PTP4A1: variants seen among roughly 807,000 people sequenced by gnomAD.
The protein encoded by PTP4A1 is protein tyrosine phosphatase 4A1.
PTP4A1 carries 9 observed loss-of-function variants against 20.5 expected under a neutral mutation model. The observed-to-expected ratio is 0.44, with a 90% CI of 0.26 to 0.77. The LOEUF (loss-of-function observed/expected upper bound fraction) is 0.77. Ranked by LOEUF, PTP4A1 falls within the 30% of genes least tolerant of loss-of-function variation. The pLI is 0.19. For synonymous variants in PTP4A1, 78 were observed against 67.4 expected (o/e 1.16, Z -0.77); for missense variants, 137 against 218.8 (o/e 0.63, Z 2.36).
At chr6:63,543,831 A>G (rs1202643190) in intron 2 of PTP4A1, among the ~76,000 whole-genome samples, 4 of 152,284 alleles carry the variant, frequency 2.6e-5, no homozygotes, top group African/African-American at 9.6e-5. Context: ...GTGTAATAAG[A>G]GTTTCTTTTA....
chr6:63,520,654 TA>T (rs1171111592), upstream of PTP4A1, among the ~76,000 whole-genome samples: 1 of 149,846 alleles, frequency 6.7e-6, no homozygotes, highest in African/African-American at 2.5e-5. Flanking sequence ...AATAAATAAA[TA>T]AATAAATAAA....
chr6:63,542,022 GGTGTGTGTGTGTGT>G (rs72091849), intron 2 of PTP4A1, among the ~76,000 whole-genome samples: 22 of 146,842 alleles, frequency 1.5e-4, no homozygotes, highest in African/African-American at 2.3e-4. Context: ...AAGAAACTGT[GGTGTGTGTGTGTGT>G]GTGTGTGTGT....
At chr6:63,570,578 C>T (rs984433446), upstream of PTP4A1, among the ~76,000 whole-genome samples, 1 of 152,170 alleles carries the variant, frequency 6.6e-6, no homozygotes, top group Admixed American at 6.5e-5. Flanking sequence ...ACTTGTATCA[C>T]AAGTTCTACA....
At chr6:63,553,127 C>G (rs1776524795) in intron 3 of PTP4A1, among the ~76,000 whole-genome samples, 2 of 152,270 alleles carry the variant, frequency 1.3e-5, no homozygotes, top group South Asian at 4.1e-4. Context: ...TATATTCAAA[C>G]CAGTTTTTCC....
chr6:63,574,020 CT>C (rs1311448028), intron 1 of PTP4A1, among the ~76,000 whole-genome samples: 1 of 152,162 alleles, frequency 6.6e-6, no homozygotes, highest in Non-Finnish European at 1.5e-5. Flanking sequence ...GCGGAGCCCC[CT>C]ACCAGTCCAC....
chr6:63,547,378 T>C (rs923353348), intron 2 of PTP4A1, among the ~76,000 whole-genome samples: 1 of 150,406 alleles, frequency 6.6e-6, no homozygotes, highest in Admixed American at 6.7e-5. Flanking sequence ...TTAGTAGAGA[T>C]AGGATTTCAC....
At chr6:63,535,105 G>A (rs1353973188) in intron 2 of PTP4A1, among the ~76,000 whole-genome samples, 2 of 151,874 alleles carry the variant, frequency 1.3e-5, no homozygotes, top group Non-Finnish European at 2.9e-5. Context: ...CATATAAACA[G>A]TATTTTAGGT....
At chr6:63,519,556 C>T (rs1249900014), upstream of PTP4A1, among the ~76,000 whole-genome samples, 1 of 152,100 alleles carries the variant, frequency 6.6e-6, no homozygotes, top group Non-Finnish European at 1.5e-5. Context: ...AGGGTAAAGA[C>T]ACCACATATG....
intron 2 of PTP4A1, among the ~76,000 whole-genome samples, chr6:63,578,015 G>T (rs796880743): frequency 3.5e-4 from 53 of 152,106 alleles, no homozygotes; most frequent in African/African-American, 1.3e-3. Flanking sequence ...TTTAAGGAGT[G>T]AGTATAATTG....
chr6:63,548,005 A>G (rs1236557993), intron 2 of PTP4A1, among the ~76,000 whole-genome samples: 3 of 152,120 alleles, frequency 2.0e-5, no homozygotes, highest in Admixed American at 1.3e-4. Flanking sequence ...ACAATCAGGA[A>G]CTTGTTTAAT....
Position 63,572,545 on chromosome 6 carries a change from G to C in PTP4A1, c.-620G>C. On this transcript the variant is annotated 5_prime_UTR_variant, in exon 1 of 6. Coordinates refer to ENST00000626021, the MANE Select transcript of PTP4A1 (RefSeq NM_003463.5). ...TCGGCTACGCGCTCTGCTCCGAGCC[G>C]CTCACTGCATGGTAGAGTCTGGTGC... 2.5e-6 allele frequency: 1 copy of C among 396,352 alleles called. No homozygotes were observed. Among genetic ancestry groups the C allele is most frequent in the Non-Finnish European group, 4.4e-6 (1 of 225,220 alleles). 24.6% of individuals were successfully genotyped at this position (396,352 alleles called of 1,614,324 possible).
chr6:63,543,784 C>A lies in PTP4A1; in HGVS notation c.-639-6516C>A, dbSNP rs185217506. Among the ~76,000 whole-genome samples, 3 of 152,274 alleles carry A rather than the reference C, an allele frequency of 2.0e-5. No individual in the cohort carries two copies. The East Asian group carries it at 5.8e-4, about 29-fold the overall frequency. On this transcript the variant is annotated intron_variant, in intron 2 of 3. Transcript: ENST00000639568. ...TATAATGACATTCTCCTATCTGCCT[C>A]TAGCTTAATTTCTAGCAACTTTCTA... is the stretch of plus-strand genomic sequence containing the variant.
At chr6:63,555,911 G>A (rs185763930) in intron 3 of PTP4A1, among the ~76,000 whole-genome samples, 1,522 of 151,926 alleles carry the variant, frequency 0.01, 9 homozygotes, top group South Asian at 0.033. Context: ...CCAGGCTGGC[G>A]AACTCCTGGC....
At chr6:63,520,986 G>A (rs2149470816), upstream of PTP4A1, among the ~76,000 whole-genome samples, 1 of 152,228 alleles carries the variant, frequency 6.6e-6, no homozygotes, top group South Asian at 2.1e-4. Context: ...CACAGGAACA[G>A]GAAACCAAAC....
intron 5 of PTP4A1, among the ~76,000 whole-genome samples, chr6:63,579,662 A>G (rs1187994799): frequency 6.6e-6 from 1 of 152,234 alleles, no homozygotes; most frequent in Non-Finnish European, 1.5e-5. Flanking sequence ...CCAGTTGACA[A>G]TAACAGCCAA....
chr6:63,518,662 C>A (rs1581903784), upstream of PTP4A1, among the ~76,000 whole-genome samples: 1 of 152,214 alleles, frequency 6.6e-6, no homozygotes, highest in Non-Finnish European at 1.5e-5. Flanking sequence ...CTCTTTACAG[C>A]TAAGGTTCTT....
At chr6:63,526,411 T>C (rs1472913317) in intron 1 of PTP4A1, among the ~76,000 whole-genome samples, 1 of 152,060 alleles carries the variant, frequency 6.6e-6, no homozygotes, top group Non-Finnish European at 1.5e-5. Flanking sequence ...TTATCAAAAA[T>C]GAAGAATTCT....
At chr6:63,557,713 G>T (rs564494272) in intron 3 of PTP4A1, among the ~76,000 whole-genome samples, 2 of 152,266 alleles carry the variant, frequency 1.3e-5, no homozygotes, top group Non-Finnish European at 2.9e-5. Context: ...CAAACATCTA[G>T]AAAGCATAAT....
upstream of PTP4A1, among the ~76,000 whole-genome samples, chr6:63,521,424 G>C (rs1170285589): frequency 6.6e-6 from 1 of 152,138 alleles, no homozygotes; most frequent in Non-Finnish European, 1.5e-5. Flanking sequence ...GGTAGGATCA[G>C]AAAGAGGCAG....
Sources: allele counts gnomAD v4.1 joint callset (sites outside exome capture counted in the v4.1 genomes callset), GRCh38; gene constraint gnomAD v4.1.1; transcripts MANE v1.5; gene names NCBI Gene and HGNC (gene_info 2026-07-23, HGNC 2026-07-21).